FSTL4: variants seen among roughly 807,000 people sequenced by gnomAD.
FSTL4 encodes the protein follistatin-related protein 4.
FSTL4 carries 28 observed loss-of-function variants against 78.2 expected under a neutral mutation model. That is an observed-to-expected ratio of 0.36 (90% CI 0.27 to 0.49). FSTL4 has a LOEUF of 0.49. Among genes scored for constraint, FSTL4 ranks in the 20% least tolerant of loss-of-function variants. The pLI, the probability that FSTL4 is intolerant of heterozygous loss-of-function variation, is 0.98. For synonymous variants in FSTL4, 422 were observed against 440.5 expected (o/e 0.96, Z 0.53); for missense variants, 922 against 1,084.9 (o/e 0.85, Z 2.11).
chr5:133,763,825 C>T, the FSTL4 span, among the ~76,000 whole-genome samples: 1 of 152,344 alleles, frequency 6.6e-6, no homozygotes, highest in East Asian at 1.9e-4. Flanking sequence ...ACCCCAGGCC[C>T]CTGACCCTTC....
chr5:133,753,025 C>G, the FSTL4 span, among the ~76,000 whole-genome samples: 2 of 152,052 alleles, frequency 1.3e-5, no homozygotes, highest in East Asian at 3.9e-4. Flanking sequence ...ATGAAATAAC[C>G]CCTTTAAAAG....
chr5:133,728,765 C>A, the FSTL4 span, among the ~76,000 whole-genome samples: 1 of 149,422 alleles, frequency 6.7e-6, no homozygotes. Context: ...GGGAGAGTAT[C>A]AGATAGTGTT....
At chr5:133,499,163 C>T (rs993522996) in intron 3 of FSTL4, among the ~76,000 whole-genome samples, 1 of 152,126 alleles carries the variant, frequency 6.6e-6, no homozygotes, top group Non-Finnish European at 1.5e-5. Flanking sequence ...CTTCTCATGA[C>T]CATGTTTCAA....
the FSTL4 span, among the ~76,000 whole-genome samples, chr5:133,705,869 G>GCGCACACACACACGCACA: frequency 6.8e-6 from 1 of 147,806 alleles, no homozygotes; most frequent in African/African-American, 2.5e-5. Flanking sequence ...ACACACACAC[G>GCGCACACACACACGCACA]CACACACACA....
At chr5:133,202,239 C>T (rs1750349379) in intron 14 of FSTL4, among the ~76,000 whole-genome samples, 197 bp from the exon 15 acceptor site, 2 of 152,160 alleles carry the variant, frequency 1.3e-5, no homozygotes, top group Non-Finnish European at 2.9e-5. Context: ...ACCCATTCTT[C>T]CTGAAAGAGG....
At chr5:133,837,042 C>T in the FSTL4 span, among the ~76,000 whole-genome samples, 1 of 152,068 alleles carries the variant, frequency 6.6e-6, no homozygotes, top group Admixed American at 6.6e-5. Context: ...GGCTTCTACC[C>T]CTCCCTAAGA....
chr5:133,816,082 G>A, the FSTL4 span, among the ~76,000 whole-genome samples: 1 of 152,330 alleles, frequency 6.6e-6, no homozygotes, highest in South Asian at 2.1e-4. Context: ...TACAGAACAA[G>A]TAGGATCTTC....
At chr5:133,291,443 C>T (rs907741793) in intron 6 of FSTL4, among the ~76,000 whole-genome samples, 6 of 152,330 alleles carry the variant, frequency 3.9e-5, no homozygotes, top group Admixed American at 1.3e-4. Flanking sequence ...TACATTTTAT[C>T]TACAGCTGCC....
the FSTL4 span, among the ~76,000 whole-genome samples, chr5:133,636,950 TATTC>T: frequency 6.6e-6 from 1 of 152,178 alleles, no homozygotes; most frequent in Admixed American, 6.5e-5. Context: ...TTAGGCAACT[TATTC>T]ATGGTTACAC....
rs146758603 is a variant in FSTL4 at position 133,332,185 on chromosome 5, A to G, written c.410-15533T>C. 4.6e-3 allele frequency among the ~76,000 whole-genome samples: 696 copies of G among 152,320 alleles called. 10 individuals carry two copies. Among genetic ancestry groups the G allele is most frequent in the African/African-American group, 0.016 (647 of 41,568 alleles). On this transcript the variant is annotated intron_variant, in intron 4 of 15. Coordinates refer to ENST00000265342, the MANE Select transcript of FSTL4 (RefSeq NM_015082.2). ...TGGAGTTTGATTCCAGACACATCTCAGCCATAATGCATCTGCACTGCTCAC... is the reference window on the plus strand; with the variant it reads ...TGGAGTTTGATTCCAGACACATCTCGGCCATAATGCATCTGCACTGCTCAC...
the FSTL4 span, among the ~76,000 whole-genome samples, chr5:133,784,031 GCCACCTTGCTTGA>G: frequency 6.6e-6 from 1 of 152,090 alleles, no homozygotes; most frequent in South Asian, 2.1e-4. Flanking sequence ...TATGACCTTG[GCCACCTTGCTTGA>G]CATCAGTAGG....
intron 3 of FSTL4, among the ~76,000 whole-genome samples, chr5:133,481,539 C>CA (rs34556142): frequency 0.4 from 26,168 of 65,044 alleles, 4,988 homozygotes; most frequent in African/African-American, 0.56. Flanking sequence ...GAGACTGTCT[C>CA]AAAAAAAAAA....
chr5:133,307,116 C>T (rs552369859), intron 6 of FSTL4, among the ~76,000 whole-genome samples: 1 of 152,312 alleles, frequency 6.6e-6, no homozygotes, highest in Admixed American at 6.5e-5. Context: ...TCCAAAGTCA[C>T]ACAGTTAGTC....
intron 3 of FSTL4, among the ~76,000 whole-genome samples, chr5:133,486,102 G>A (rs1431453705): frequency 6.6e-6 from 1 of 152,092 alleles, no homozygotes; most frequent in East Asian, 1.9e-4. Flanking sequence ...TAAAAACACG[G>A]GCTCATGGAG....
intron 6 of FSTL4, among the ~76,000 whole-genome samples, chr5:133,303,564 T>C (rs1046042879): frequency 3.9e-5 from 6 of 152,324 alleles, no homozygotes; most frequent in African/African-American, 1.4e-4. Flanking sequence ...AGTCAGTCAC[T>C]ATGTCCCGTG....
At chr5:133,653,962 T>C in the FSTL4 span, among the ~76,000 whole-genome samples, 17 of 152,376 alleles carry the variant, frequency 1.1e-4, no homozygotes, top group Non-Finnish European at 1.6e-4. Context: ...CCTTCGTTCA[T>C]TTGCTCATGC....
chr5:133,793,877 G>T, the FSTL4 span, among the ~76,000 whole-genome samples: 2 of 152,222 alleles, frequency 1.3e-5, no homozygotes, highest in Admixed American at 1.3e-4. Context: ...GAGGAAAAGA[G>T]AACGTATTTT....
the FSTL4 span, among the ~76,000 whole-genome samples, chr5:133,825,503 A>G: frequency 6.6e-6 from 1 of 152,244 alleles, no homozygotes; most frequent in Non-Finnish European, 1.5e-5. Context: ...TTGTCTATTG[A>G]AGAAATTGAA....
intron 3 of FSTL4, among the ~76,000 whole-genome samples, chr5:133,545,957 T>A (rs1015746473): frequency 6.6e-6 from 1 of 152,242 alleles, no homozygotes; most frequent in Non-Finnish European, 1.5e-5. Context: ...GTAAAGACTA[T>A]AAAGTTGTAA....
Sources: allele counts gnomAD v4.1 joint callset (sites outside exome capture counted in the v4.1 genomes callset), GRCh38; gene constraint gnomAD v4.1.1; transcripts MANE v1.5; gene names NCBI Gene and HGNC (gene_info 2026-07-23, HGNC 2026-07-21).